Variants in LAMA2 observed in about 807,000 individuals in gnomAD.
LAMA2 encodes the protein laminin subunit alpha 2, also known as laminin subunit alpha-2.
A neutral mutation model predicts 364.8 loss-of-function variants in LAMA2; 269 were observed. That is an observed-to-expected ratio of 0.74 (90% confidence interval 0.67 to 0.82). LAMA2 has a LOEUF of 0.82. LAMA2 is among the 40% of genes least tolerant of loss of function. LAMA2 has a pLI of 0.00. For synonymous variants in LAMA2, 1,379 were observed against 1,370.6 expected, an observed-to-expected ratio of 1.01 and a Z score of -0.14; for missense variants, 3,807 against 3,873.2, an observed-to-expected ratio of 0.98 and a Z score of 0.45.
At chr6:128,933,216 C>G (rs1445757426) in intron 1 of LAMA2, among the ~76,000 whole-genome samples, 1 of 149,094 alleles carries the variant, frequency 6.7e-6, no homozygotes. Flanking sequence ...CTATCTCCCT[C>G]TCTCCCTCTC....
intron 4 of LAMA2, among the ~76,000 whole-genome samples, chr6:129,130,953 C>A (rs1777437213): frequency 6.6e-6 from 1 of 152,158 alleles, no homozygotes; most frequent in South Asian, 2.1e-4. Flanking sequence ...AACTCTTAAG[C>A]CCAACAGCAA....
chr6:129,179,442 G>A (rs1201622853), intron 10 of LAMA2, among the ~76,000 whole-genome samples: 1 of 152,108 alleles, frequency 6.6e-6, no homozygotes, highest in Middle Eastern at 3.2e-3. Flanking sequence ...GGAGTAATAA[G>A]CGAGTTAATT....
At chr6:129,423,550 A>G (rs1215865230) in intron 40 of LAMA2, among the ~76,000 whole-genome samples, 3 of 152,040 alleles carry the variant, frequency 2.0e-5, no homozygotes, top group Non-Finnish European at 4.4e-5. Context: ...TTTAAAAAGC[A>G]TAAAATAAAA....
At chr6:129,189,198 C>T (rs982962942) in intron 10 of LAMA2, among the ~76,000 whole-genome samples, 7 of 151,724 alleles carry the variant, frequency 4.6e-5, no homozygotes, top group African/African-American at 1.7e-4. Context: ...TACAGGGCCA[C>T]GAAAACTACA....
At chr6:129,158,580 T>C in intron 8 of LAMA2, 1 of 1,614,100 alleles carries the variant, frequency 6.2e-7, no homozygotes, top group Non-Finnish European at 8.5e-7. Context: ...TGAGATGCTC[T>C]TGCAATAATG....
At chr6:128,954,552 A>G (rs557967579) in intron 1 of LAMA2, among the ~76,000 whole-genome samples, 1 of 152,074 alleles carries the variant, frequency 6.6e-6, no homozygotes, top group African/African-American at 2.4e-5. Context: ...AAAACATGGC[A>G]GTTGTTTTTA....
intron 11 of LAMA2, among the ~76,000 whole-genome samples, chr6:129,191,492 CAA>C (rs1201300283): frequency 6.6e-6 from 1 of 152,178 alleles, no homozygotes; most frequent in African/African-American, 2.4e-5. Flanking sequence ...ACTGATAGAT[CAA>C]AGTTTCATAG....
At chr6:129,176,047 T>G (rs1405254308) in intron 9 of LAMA2, among the ~76,000 whole-genome samples, 1 of 152,016 alleles carries the variant, frequency 6.6e-6, no homozygotes, top group Non-Finnish European at 1.5e-5. Flanking sequence ...TTTAAAATAA[T>G]GGACTATTTA....
intron 16 of LAMA2, among the ~76,000 whole-genome samples, chr6:129,268,118 T>C (rs1350827280): frequency 6.6e-6 from 1 of 152,062 alleles, no homozygotes; most frequent in Admixed American, 6.6e-5. Context: ...CTGGGAAAAA[T>C]CCAAAATGAA....
Position 129,454,269 on chromosome 6 carries a change from T to TACCGTATC in LAMA2, c.6689_6696dup (p.Val2233ThrfsTer4). On this transcript the variant is annotated frameshift_variant, in exon 47 of 65. Transcript: ENST00000421865. LOFTEE classifies it high-confidence loss of function. ...TTTGACTATTGATGACTCATATTGG[T>TACCGTATC]ACCGTATCGTAGCATCAAGGTAACC... 6.2e-7 allele frequency: 1 copy of TACCGTATC among 1,611,686 alleles called. No individual in the cohort carries two copies. The highest frequency in any genetic ancestry group is 1.1e-5 in the South Asian group (1 of 91,030).
chr6:128,911,498 A>G lies in LAMA2; in HGVS notation c.112+28141A>G, dbSNP rs371754374. 7.1e-3 allele frequency among the ~76,000 whole-genome samples: 1,075 copies of G among 152,146 alleles called. 15 individuals are homozygous for G. The highest frequency in any genetic ancestry group is 0.034 in the South Asian group (163 of 4,812). On this transcript the variant is annotated intron_variant, in intron 1 of 64. Transcript: ENST00000421865. ...GCAATGCCTCACCCTGCTTCGGCTC[A>G]CGCACGGTGCGCGCACCCACTGACC...
intron 1 of LAMA2, among the ~76,000 whole-genome samples, chr6:128,926,800 C>T (rs1779129536): frequency 6.6e-6 from 1 of 152,170 alleles, no homozygotes; most frequent in Admixed American, 6.5e-5. Flanking sequence ...TGTTAAAGCT[C>T]AGAGTTGAAA....
intron 38 of LAMA2, 50 bp from the exon 39 acceptor site, chr6:129,402,274 G>T: frequency 7.2e-7 from 1 of 1,386,924 alleles, no homozygotes; most frequent in South Asian, 1.2e-5. Context: ...TAGTAAAAGA[G>T]AGGAGGCTTG....
At chr6:129,439,067 C>A (rs1408762362) in intron 42 of LAMA2, among the ~76,000 whole-genome samples, 1 of 139,338 alleles carries the variant, frequency 7.2e-6, no homozygotes. Flanking sequence ...GGTTCCAGGA[C>A]CCCCCCCCAC....
intron 1 of LAMA2, among the ~76,000 whole-genome samples, chr6:129,044,622 T>G (rs2114761747): frequency 6.6e-6 from 1 of 151,722 alleles, no homozygotes; most frequent in Non-Finnish European, 1.5e-5. Flanking sequence ...TATTCTAATC[T>G]CTAATAAAAT....
At chr6:128,901,976 C>T (rs984334414) in intron 1 of LAMA2, among the ~76,000 whole-genome samples, 4 of 152,192 alleles carry the variant, frequency 2.6e-5, no homozygotes, top group Non-Finnish European at 4.4e-5. Flanking sequence ...GACTCAGTTC[C>T]ACCTGGCTGG....
At chr6:129,063,958 G>A (rs980845657) in intron 3 of LAMA2, among the ~76,000 whole-genome samples, 5 of 152,014 alleles carry the variant, frequency 3.3e-5, no homozygotes, top group Non-Finnish European at 5.9e-5. Context: ...CATAAAATAC[G>A]TGGAAATACT....
chr6:129,144,995 C>A (rs1175343872), intron 5 of LAMA2, among the ~76,000 whole-genome samples: 1 of 151,862 alleles, frequency 6.6e-6, no homozygotes, highest in East Asian at 1.9e-4. Context: ...GCTACACAAC[C>A]AAGGCATTAT....
intron 28 of LAMA2, among the ~76,000 whole-genome samples, chr6:129,326,904 A>T (rs955458797): frequency 5.3e-5 from 8 of 150,604 alleles, no homozygotes; most frequent in African/African-American, 1.9e-4. Context: ...ACTTTTAAAT[A>T]GATCTTGGTT....
Sources: gnomAD v4.1 joint callset for allele counts (sites outside exome capture counted in the v4.1 genomes callset) on GRCh38, gnomAD v4.1.1 for gene constraint, MANE v1.5 for transcripts, NCBI Gene and HGNC (gene_info 2026-07-23, HGNC 2026-07-21) for gene names.